GNB4: variants seen among roughly 807,000 people sequenced by gnomAD.
GNB4 encodes guanine nucleotide-binding protein subunit beta-4.
GNB4 carries 28 observed loss-of-function variants against 45.2 expected under a neutral mutation model. That is an observed-to-expected ratio of 0.62 (90% CI 0.46 to 0.85). The LOEUF is 0.85. Among genes scored for constraint, GNB4 ranks in the 40% least tolerant of loss-of-function variants. The pLI is 0.00. For missense variants in GNB4, 321 were observed against 425.4 expected (o/e 0.75, Z 2.16); for synonymous variants, 132 against 143.7 (o/e 0.92, Z 0.58).
At chr3:179,465,427 C>T in the GNB4 span, 112 of 449,592 alleles carry the variant, frequency 2.5e-4, no homozygotes, top group South Asian at 1.5e-3. Flanking sequence ...CATGGTGAAA[C>T]CCCCGTCTCT....
the GNB4 span, chr3:179,465,419 T>G: frequency 2.5e-5 from 12 of 482,580 alleles, no homozygotes; most frequent in South Asian, 2.5e-4. Flanking sequence ...CTGGCTAACA[T>G]GGTGAAACCC....
Position 179,401,181 on chromosome 3 carries a change from A to AT in GNB4, c.*31dup. 1 of 1,464,034 alleles carries AT rather than the reference A, an allele frequency of 6.8e-7. No individual in the cohort carries two copies. Among genetic ancestry groups the AT allele is most frequent in the African/African-American group, 1.4e-5 (1 of 71,672 alleles). The allele number at this position is 1,464,034 out of a possible 1,614,324, so 90.7% of individuals were successfully genotyped here. Reference sequence around the variant, plus strand: ...GGCTGTAGCATTGATTTCTCCAGATATATCAATGGAGAACAAATATGTATG... The same window carrying AT: ...GGCTGTAGCATTGATTTCTCCAGATATTATCAATGGAGAACAAATATGTATG... On this transcript the variant is annotated 3_prime_UTR_variant, in exon 10 of 10. Coordinates refer to ENST00000232564, the MANE Select transcript of GNB4 (RefSeq NM_021629.4).
intron 6 of GNB4, among the ~76,000 whole-genome samples, chr3:179,414,669 T>C (rs956443926): frequency 6.6e-6 from 1 of 152,194 alleles, no homozygotes; most frequent in African/African-American, 2.4e-5. Flanking sequence ...TTTATCATTT[T>C]TTACAAAAAC....
chr3:179,421,045 ATT>A (rs1012805775), intron 2 of GNB4, 118 bp from the exon 3 acceptor site: 5 of 625,344 alleles, frequency 8.0e-6, no homozygotes, highest in Non-Finnish European at 1.1e-5. Flanking sequence ...ATCTTTAAAA[ATT>A]TTTTTAATTG....
At chr3:179,495,627 G>A in the GNB4 span, among the ~76,000 whole-genome samples, 2 of 151,084 alleles carry the variant, frequency 1.3e-5, no homozygotes, top group Non-Finnish European at 3.0e-5. Flanking sequence ...AGAAAGAAAG[G>A]AGGCAGGGAG....
At chr3:179,484,340 G>A in the GNB4 span, among the ~76,000 whole-genome samples, 1 of 152,138 alleles carries the variant, frequency 6.6e-6, no homozygotes, top group Non-Finnish European at 1.5e-5. Flanking sequence ...TATCCCTACT[G>A]GACAAATGCA....
chr3:179,398,609 T>G lies in GNB4; in HGVS notation c.*2604A>C, dbSNP rs1350409642. The G allele has an allele frequency of 6.6e-6, 1 of 152,066 alleles. No individual in the cohort carries two copies. The highest frequency in any genetic ancestry group is 1.5e-5 in the Non-Finnish European group (1 of 68,018). The allele number at this position is 152,066 out of a possible 1,614,324, so 9.4% of individuals were successfully genotyped here. On this transcript the variant is annotated 3_prime_UTR_variant, in exon 10 of 10. Coordinates refer to ENST00000232564, the MANE Select transcript of GNB4 (RefSeq NM_021629.4). ...TAAATCCAGCCAGATTTTTCAGCCT[T>G]AAAAACTAAGATCCAAACTATTCAA...
chr3:179,431,359 C>A (rs1715303218), intron 1 of GNB4, among the ~76,000 whole-genome samples: 1 of 152,020 alleles, frequency 6.6e-6, no homozygotes, highest in African/African-American at 2.4e-5. Flanking sequence ...GAGTTCGAGA[C>A]CAGCCTGACC....
chr3:179,429,188 G>A (rs73045188), intron 1 of GNB4, among the ~76,000 whole-genome samples: 3 of 152,178 alleles, frequency 2.0e-5, no homozygotes, highest in African/African-American at 7.2e-5. Flanking sequence ...ATAAGACAAT[G>A]TCTCCTCATG....
chr3:179,402,966 C>T lies in GNB4; in HGVS notation c.917-1647G>A, dbSNP rs149985562. ...GACTGGAAGAAAACAGGCACAGATG[C>T]GATTGATAAAACTGTGCTGAAATGG... On this transcript the variant is annotated intron_variant, in intron 9 of 9. Transcript: ENST00000232564. Among the ~76,000 whole-genome samples, 613 of 152,228 alleles carry T rather than the reference C, an allele frequency of 4.0e-3. 1 individual carries two copies. Among genetic ancestry groups the T allele is most frequent in the Middle Eastern group, 0.01 (3 of 294 alleles).
chr3:179,450,983 G>A (rs939087986), intron 1 of GNB4: 3 of 152,274 alleles, frequency 2.0e-5, no homozygotes, highest in Non-Finnish European at 4.4e-5. Context: ...GCACGGGCTC[G>A]TGCTCTGAGT....
the GNB4 span, among the ~76,000 whole-genome samples, chr3:179,485,822 C>T: frequency 1.3e-5 from 2 of 152,068 alleles, no homozygotes; most frequent in East Asian, 1.9e-4. Context: ...CCCCTGTAGT[C>T]GCAGCTACTC....
chr3:179,459,158 C>G, the GNB4 span, among the ~76,000 whole-genome samples: 3 of 152,168 alleles, frequency 2.0e-5, no homozygotes, highest in Non-Finnish European at 4.4e-5. Context: ...TCAGGTCCTC[C>G]TTACTCTTCC....
At chr3:179,445,688 T>TA (rs1715703824) in intron 1 of GNB4, among the ~76,000 whole-genome samples, 1 of 152,236 alleles carries the variant, frequency 6.6e-6, no homozygotes, top group African/African-American at 2.4e-5. Flanking sequence ...GTAGTTATGA[T>TA]GCATTCATAC....
chr3:179,425,974 G>A (rs1299347910), intron 2 of GNB4, among the ~76,000 whole-genome samples, 170 bp downstream of exon 2: 3 of 152,088 alleles, frequency 2.0e-5, no homozygotes, highest in East Asian at 1.9e-4. Context: ...GAGTTCTTTC[G>A]AGACATGGTA....
At chr3:179,505,336 CT>C in the GNB4 span, among the ~76,000 whole-genome samples, 1 of 152,180 alleles carries the variant, frequency 6.6e-6, no homozygotes, top group African/African-American at 2.4e-5. Context: ...AATTGAGCTT[CT>C]TAAGTCATGA....
chr3:179,446,861 T>C (rs563958986), intron 1 of GNB4, among the ~76,000 whole-genome samples: 1 of 152,186 alleles, frequency 6.6e-6, no homozygotes, highest in Non-Finnish European at 1.5e-5. Context: ...ATACAACAAA[T>C]ATTAATTCAT....
the GNB4 span, among the ~76,000 whole-genome samples, chr3:179,498,749 G>T: frequency 0.53 from 69,442 of 130,322 alleles, 18,021 homozygotes; most frequent in East Asian, 0.78. Flanking sequence ...TTGAGGTTTG[G>T]TTTTTTTTTT....
the GNB4 span, among the ~76,000 whole-genome samples, chr3:179,467,084 G>C: frequency 3.3e-5 from 5 of 152,296 alleles, no homozygotes; most frequent in Admixed American, 2.6e-4. Flanking sequence ...TCTGATCATA[G>C]CTCACTGCAG....
Sources: allele counts gnomAD v4.1 joint callset (sites outside exome capture counted in the v4.1 genomes callset), GRCh38; gene constraint gnomAD v4.1.1; transcripts MANE v1.5; gene names NCBI Gene and HGNC (gene_info 2026-07-23, HGNC 2026-07-21).